The following SETBP1 variants were observed in gnomAD, a reference collection of about 807,000 sequenced individuals.
The protein encoded by SETBP1 is SET binding protein 1.
Under a neutral mutation model 101.0 loss-of-function variants are expected in SETBP1, and 9 were observed. The ratio of observed to expected loss-of-function variants is 0.09; its 90% CI spans 0.05 to 0.16. The LOEUF (loss-of-function observed/expected upper bound fraction) is 0.16, where lower values mean the gene tolerates loss of function less well. SETBP1 is among the 10% of genes least tolerant of loss of function. The probability of loss-of-function intolerance (pLI) is 1.00; values close to 1 mark genes in which losing one functional copy is unlikely to be tolerated. For missense variants in SETBP1, 1,858 were observed against 2,033.8 expected (o/e 0.91, Z 1.66); for synonymous variants, 818 against 788.5 (o/e 1.04, Z -0.63).
intron 2 of SETBP1, among the ~76,000 whole-genome samples, chr18:44,783,461 C>T (rs977348807): frequency 2.2e-4 from 34 of 152,058 alleles, no homozygotes; most frequent in African/African-American, 7.2e-4. Context: ...ATCAAGTGTC[C>T]GTGGAGCTCC....
At chr18:45,010,298 G>T (rs559130768) in intron 4 of SETBP1, among the ~76,000 whole-genome samples, 2 of 152,198 alleles carry the variant, frequency 1.3e-5, no homozygotes, top group South Asian at 2.1e-4. Flanking sequence ...GTAAATTCAC[G>T]CTCTAGTAGA....
chr18:44,844,357 A>G (rs1019909549), intron 2 of SETBP1, among the ~76,000 whole-genome samples: 29 of 137,722 alleles, frequency 2.1e-4, no homozygotes, highest in South Asian at 1.0e-3. Context: ...ACGCGCGCAC[A>G]CACACACACA....
At chr18:44,917,447 A>G (rs1177007808) in intron 3 of SETBP1, among the ~76,000 whole-genome samples, 2 of 152,214 alleles carry the variant, frequency 1.3e-5, no homozygotes, top group South Asian at 2.1e-4. Context: ...TCCAGCTGTG[A>G]TTTTATTTCA....
intron 4 of SETBP1, among the ~76,000 whole-genome samples, chr18:44,998,424 C>T (rs775176809): frequency 6.6e-6 from 1 of 152,134 alleles, no homozygotes; most frequent in Non-Finnish European, 1.5e-5. Context: ...CATTAAAGAC[C>T]CCGGAGATTT....
chr18:44,874,660 C>G (rs1046039169), intron 3 of SETBP1, among the ~76,000 whole-genome samples: 1 of 152,194 alleles, frequency 6.6e-6, no homozygotes, highest in African/African-American at 2.4e-5. Context: ...GTGCAGTGTT[C>G]ATTCCTGGAG....
rs2071731778 is a variant in SETBP1, at chr18:44,966,864, G to GA, written c.4000+13529dup. Among the ~76,000 whole-genome samples the GA allele has an allele frequency of 2.6e-5, 4 of 152,224 alleles. No homozygotes were observed. The South Asian group carries it at 8.3e-4, about 32-fold the overall frequency. On this transcript the variant is annotated intron_variant, in intron 4 of 5. Coordinates refer to ENST00000649279, the MANE Select transcript of SETBP1 (RefSeq NM_015559.3). The stretch of plus-strand genomic sequence containing the variant: ...CTCTTAGATGTCCCTTTCCTAGCCC[G>GA]AAAAATGAAGCTGTTAATACCCACC...
At chr18:44,760,427 C>A (rs1045144652) in intron 2 of SETBP1, among the ~76,000 whole-genome samples, 1 of 152,184 alleles carries the variant, frequency 6.6e-6, no homozygotes, top group African/African-American at 2.4e-5. Flanking sequence ...GATCTCAATG[C>A]AGCAGTGGCC....
intron 2 of SETBP1, among the ~76,000 whole-genome samples, chr18:44,813,736 T>A (rs2144842091): frequency 6.6e-6 from 1 of 152,328 alleles, no homozygotes; most frequent in African/African-American, 2.4e-5. Context: ...ACATAGTAAT[T>A]CTGCAGAACG....
chr18:44,862,520 C>T (rs2069037359), intron 2 of SETBP1, among the ~76,000 whole-genome samples: 3 of 152,164 alleles, frequency 2.0e-5, no homozygotes, highest in Admixed American at 2.0e-4. Flanking sequence ...TCCACTGCCA[C>T]CCCCACCCCA....
At chr18:44,880,261 A>C (rs1466070212) in intron 3 of SETBP1, among the ~76,000 whole-genome samples, 1 of 152,096 alleles carries the variant, frequency 6.6e-6, no homozygotes, top group Non-Finnish European at 1.5e-5. Flanking sequence ...GCATTGGGGG[A>C]GTGAGAGGGC....
At chr18:44,830,565 C>T (rs1254496284) in intron 2 of SETBP1, among the ~76,000 whole-genome samples, 1 of 151,918 alleles carries the variant, frequency 6.6e-6, no homozygotes, top group African/African-American at 2.4e-5. Context: ...CTCTTTTTTG[C>T]CTATACGAAG....
At chr18:44,945,100 T>C (rs550478858) in intron 3 of SETBP1, among the ~76,000 whole-genome samples, 2 of 152,302 alleles carry the variant, frequency 1.3e-5, no homozygotes, top group South Asian at 4.1e-4. Flanking sequence ...GCTGCACCCA[T>C]TAACTCGTCA....
chr18:44,994,228 C>T (rs1034685054), intron 4 of SETBP1, among the ~76,000 whole-genome samples: 1 of 151,402 alleles, frequency 6.6e-6, no homozygotes, highest in African/African-American at 2.4e-5. Context: ...AGAACACACA[C>T]AAAAAAAAGT....
intron 2 of SETBP1, among the ~76,000 whole-genome samples, chr18:44,842,757 C>T (rs1302988536): frequency 1.3e-5 from 2 of 152,244 alleles, no homozygotes; most frequent in Non-Finnish European, 1.5e-5. Flanking sequence ...ACAGTACACA[C>T]TTCTCTAGTT....
intron 2 of SETBP1, among the ~76,000 whole-genome samples, chr18:44,828,350 G>T (rs989193035): frequency 6.6e-6 from 1 of 152,184 alleles, no homozygotes; most frequent in Non-Finnish European, 1.5e-5. Context: ...GCTGCCACAT[G>T]TGCTGTCTTG....
chr18:44,804,304 G>A (rs940262097), intron 2 of SETBP1, among the ~76,000 whole-genome samples: 5 of 152,110 alleles, frequency 3.3e-5, no homozygotes, highest in African/African-American at 1.2e-4. Flanking sequence ...TAGGCCAGGC[G>A]ATTTTGACCA....
rs1054154795 is a variant in SETBP1, at chr18:45,066,708, A to G, written c.*3010A>G. 3 of 149,650 alleles carry G rather than the reference A, an allele frequency of 2.0e-5. No homozygotes were observed. The highest frequency in any genetic ancestry group is 4.9e-5 in the African/African-American group (2 of 40,614). The allele number at this position is 149,650 out of a possible 1,614,324, so 9.3% of individuals were successfully genotyped here. ...TTTGAGAAGAGGTCTTTTGGGATGC[A>G]TGGTGCTCCACATACAGCTTCACAA... On this transcript the variant is annotated 3_prime_UTR_variant, in exon 6 of 6. Transcript: ENST00000649279.
chr18:44,790,847 G>GC (rs72075994), intron 2 of SETBP1, among the ~76,000 whole-genome samples: 2,221 of 147,238 alleles, frequency 0.015, 47 homozygotes, highest in African/African-American at 0.054. Context: ...CTAAACTTTG[G>GC]GGAGATAAAA....
At chr18:45,017,138 A>C (rs1045717745) in intron 4 of SETBP1, among the ~76,000 whole-genome samples, 4 of 152,120 alleles carry the variant, frequency 2.6e-5, no homozygotes, top group Non-Finnish European at 5.9e-5. Flanking sequence ...AGGACTCTGA[A>C]TTGATTTTCA....
Sources: gnomAD v4.1 joint callset for allele counts (sites outside exome capture counted in the v4.1 genomes callset) on GRCh38, gnomAD v4.1.1 for gene constraint, MANE v1.5 for transcripts, NCBI Gene and HGNC (gene_info 2026-07-23, HGNC 2026-07-21) for gene names.